COL25A1: variants seen among roughly 807,000 people sequenced by gnomAD.
COL25A1 encodes collagen type XXV alpha 1 chain, also known as collagen alpha-1(XXV) chain.
COL25A1 carries 103 observed loss-of-function variants against 128.4 expected under a neutral mutation model. That is an observed-to-expected ratio of 0.80 (90% CI 0.68 to 0.94). The LOEUF (loss-of-function observed/expected upper bound fraction) is 0.94, where lower values mean the gene tolerates loss of function less well. Ranked by LOEUF, COL25A1 falls within the 40% of genes least tolerant of loss-of-function variation. COL25A1 has a pLI of 0.00. For missense variants in COL25A1, 745 were observed against 840.0 expected (o/e 0.89, Z 1.40); for synonymous variants, 279 against 277.2 (o/e 1.01, Z -0.06).
chr4:109,235,517 GCCC>G (rs1207809410), intron 3 of COL25A1, among the ~76,000 whole-genome samples: 1 of 148,296 alleles, frequency 6.7e-6, no homozygotes, highest in Non-Finnish European at 1.5e-5. Flanking sequence ...CTGAAGGTAT[GCCC>G]CCAACAAACA....
At chr4:109,092,562 A>T (rs1315625724) in intron 3 of COL25A1, among the ~76,000 whole-genome samples, 1 of 152,196 alleles carries the variant, frequency 6.6e-6, no homozygotes, top group Non-Finnish European at 1.5e-5. Flanking sequence ...CTCTGGGGCA[A>T]CGCTCAAGGT....
At chr4:109,038,660 A>G (rs1298065840) in intron 5 of COL25A1, among the ~76,000 whole-genome samples, 1 of 152,222 alleles carries the variant, frequency 6.6e-6, no homozygotes, top group African/African-American at 2.4e-5. Context: ...TTTTGGATAC[A>G]ATGAGAAGAG....
At chr4:109,015,772 A>G (rs1481592107) in intron 5 of COL25A1, among the ~76,000 whole-genome samples, 1 of 152,274 alleles carries the variant, frequency 6.6e-6, no homozygotes, top group Admixed American at 6.5e-5. Flanking sequence ...AAAGTTTGGC[A>G]ATGCAAGTAA....
intron 3 of COL25A1, among the ~76,000 whole-genome samples, chr4:109,054,942 C>T (rs1166346508): frequency 6.6e-6 from 1 of 152,202 alleles, no homozygotes; most frequent in Non-Finnish European, 1.5e-5. Context: ...AGGGAGGAAC[C>T]TGTCTGGGCA....
At chr4:109,179,614 C>T (rs962642185) in intron 3 of COL25A1, among the ~76,000 whole-genome samples, 4 of 152,252 alleles carry the variant, frequency 2.6e-5, no homozygotes, top group Non-Finnish European at 5.9e-5. Context: ...CACTTAAACA[C>T]CTGTCTTATT....
intron 3 of COL25A1, among the ~76,000 whole-genome samples, chr4:109,238,943 G>C (rs377225227): frequency 6.6e-6 from 1 of 151,988 alleles, no homozygotes; most frequent in South Asian, 2.1e-4. Context: ...TAGGAGAGTA[G>C]AGGTAGCCAC....
chr4:109,198,128 T>C (rs1349683534), intron 3 of COL25A1, among the ~76,000 whole-genome samples: 1 of 152,152 alleles, frequency 6.6e-6, no homozygotes, highest in Non-Finnish European at 1.5e-5. Flanking sequence ...ACCCCGGTCG[T>C]CTCAAAGATG....
rs1410330553 is a variant in COL25A1 at position 108,832,656 on chromosome 4, G to A, written c.1657-223C>T. 1.6e-5 allele frequency: 7 copies of A among 444,200 alleles called. No individual in the cohort carries two copies. The South Asian group carries it at 2.1e-4, about 13-fold the overall frequency. The allele number at this position is 444,200 out of a possible 1,614,324, so 27.5% of individuals were successfully genotyped here. The stretch of plus-strand genomic sequence containing the variant: ...GCATGTTTCAATGAAAGGCACACAC[G>A]AAAAGCTGCATATCATATTTAATTA... On this transcript the variant is annotated intron_variant, in intron 31 of 37. Coordinates refer to ENST00000399132, the MANE Select transcript of COL25A1 (RefSeq NM_198721.4).
chr4:109,089,632 A>T (rs12643075), intron 3 of COL25A1, among the ~76,000 whole-genome samples: 23 of 151,722 alleles, frequency 1.5e-4, no homozygotes, highest in African/African-American at 5.3e-4. Flanking sequence ...TTGAGACAAG[A>T]TCTTGCTCTG....
intron 3 of COL25A1, among the ~76,000 whole-genome samples, chr4:109,125,375 T>C (rs1244356774): frequency 6.6e-6 from 1 of 152,120 alleles, no homozygotes; most frequent in African/African-American, 2.4e-5. Flanking sequence ...ACTTCTAAAT[T>C]ACAGGAACTG....
intron 3 of COL25A1, among the ~76,000 whole-genome samples, chr4:109,068,951 T>G (rs983699121): frequency 6.6e-6 from 1 of 152,070 alleles, no homozygotes; most frequent in Non-Finnish European, 1.5e-5. Context: ...ATGAAAGACA[T>G]AGTCAGGTCC....
At chr4:108,931,999 A>G (rs1198609036) in intron 11 of COL25A1, among the ~76,000 whole-genome samples, 2 of 152,180 alleles carry the variant, frequency 1.3e-5, no homozygotes, top group African/African-American at 4.8e-5. Context: ...TTTTGTTGCA[A>G]AATCTAGTCT....
chr4:108,884,289 ATGGCAAATGTTCC>A, intron 18 of COL25A1, 67 bp from the exon 19 acceptor site: 1 of 1,420,228 alleles, frequency 7.0e-7, no homozygotes, highest in East Asian at 2.3e-5. Flanking sequence ...GGAGAAAAAC[ATGGCAAATGTTCC>A]TGGCTCAATA....
At chr4:108,941,304 A>G in intron 9 of COL25A1, 62 bp downstream of exon 9, 1 of 1,320,274 alleles carries the variant, frequency 7.6e-7, no homozygotes, top group Non-Finnish European at 1.1e-6. Flanking sequence ...GTAAAGCAAT[A>G]GGTACACAGA....
At chr4:108,887,782 T>C (rs1207785773) in intron 18 of COL25A1, among the ~76,000 whole-genome samples, 3 of 152,194 alleles carry the variant, frequency 2.0e-5, no homozygotes, top group Non-Finnish European at 4.4e-5. Flanking sequence ...CTGAAAACAG[T>C]GTAAACTATA....
intron 3 of COL25A1, among the ~76,000 whole-genome samples, chr4:109,217,872 T>C (rs1266049810): frequency 6.6e-6 from 1 of 152,164 alleles, no homozygotes; most frequent in East Asian, 1.9e-4. Context: ...CAACCATTCT[T>C]TTCTCCTCCC....
In COL25A1 at chr4:109,255,312, T is replaced by C. The variant is rs530972105; in HGVS notation, c.367+45271A>G. ...CTTATATTCCAAATTAATTTAAAAA[T>C]AAAACTTAAGTCACAAAACCCAAAA... On this transcript the variant is annotated intron_variant, in intron 3 of 37. Transcript: ENST00000399132. 2.0e-5 allele frequency among the ~76,000 whole-genome samples: 3 copies of C among 152,286 alleles called. No homozygotes were observed. The South Asian group carries it at 6.2e-4, about 32-fold the overall frequency.
At chr4:109,165,195 C>T (rs539032840) in intron 3 of COL25A1, among the ~76,000 whole-genome samples, 2 of 151,972 alleles carry the variant, frequency 1.3e-5, no homozygotes, top group South Asian at 2.1e-4. Context: ...CAGGAAAGGG[C>T]GATTTAAATT....
intron 3 of COL25A1, among the ~76,000 whole-genome samples, chr4:109,180,135 T>C (rs950064794): frequency 6.6e-6 from 1 of 152,202 alleles, no homozygotes; most frequent in Non-Finnish European, 1.5e-5. Flanking sequence ...AGAGTTTATT[T>C]GGAGAAGAAG....
Sources: allele counts gnomAD v4.1 joint callset (sites outside exome capture counted in the v4.1 genomes callset), GRCh38; gene constraint gnomAD v4.1.1; transcripts MANE v1.5; gene names NCBI Gene and HGNC (gene_info 2026-07-23, HGNC 2026-07-21).